MVB12B: variants seen among roughly 807,000 people sequenced by gnomAD.
MVB12B encodes ESCRT-I complex subunit MVB12B.
MVB12B carries 16 observed loss-of-function variants against 41.6 expected under a neutral mutation model. The observed-to-expected ratio is 0.38, with a 90% CI of 0.26 to 0.58. The LOEUF (loss-of-function observed/expected upper bound fraction) is 0.58, where lower values mean the gene tolerates loss of function less well. Ranked by LOEUF, MVB12B falls within the 20% of genes least tolerant of loss-of-function variation. The pLI, the probability that MVB12B is intolerant of heterozygous loss-of-function variation, is 0.62. For synonymous variants in MVB12B, 133 were observed against 139.7 expected, an observed-to-expected ratio of 0.95 and a Z score of 0.34; for missense variants, 274 against 380.2, an observed-to-expected ratio of 0.72 and a Z score of 2.32.
chr9:126,349,670 A>G (rs773705834), intron 2 of MVB12B, among the ~76,000 whole-genome samples: 3 of 152,202 alleles, frequency 2.0e-5, no homozygotes, highest in Admixed American at 6.5e-5. Flanking sequence ...CAGAGAGTCT[A>G]TTGTGTGGGT....
chr9:126,340,593 T>C lies in MVB12B; in HGVS notation c.167T>C (p.Val56Ala). The part of the protein sequence containing the change: ...SMDPITGVGV[V>A]ASRNRAPTGY... ...GATCCCATCACGGGAGTCGGGGTGG[T>C]GGCTTCTCGGAACCGAGCCCCGACA... The change falls in exon 2 of 10, where the codon GTG (valine) becomes GCG (alanine). Residue 56 changes from valine to alanine, a missense_variant. By Grantham distance (64) the Val-to-Ala change is moderately conservative (BLOSUM62 0). Coordinates refer to ENST00000361171, the MANE Select transcript of MVB12B (RefSeq NM_033446.3). This position sits in a 1 kb window ranked among gnomAD's most constrained non-coding sequence, Gnocchi z 4.0. 6.2e-7 allele frequency: 1 copy of C among 1,614,200 alleles called. No homozygotes were observed. Among genetic ancestry groups the C allele is most frequent in the Non-Finnish European group, 8.5e-7 (1 of 1,180,024 alleles).
At chr9:126,440,730 AAG>A (rs1662331707) in intron 7 of MVB12B, among the ~76,000 whole-genome samples, 1 of 152,242 alleles carries the variant, frequency 6.6e-6, no homozygotes, top group African/African-American at 2.4e-5. Context: ...GAGGAAAAAA[AAG>A]AACCAGTGAG....
chr9:126,356,884 C>G (rs574369474), intron 2 of MVB12B, among the ~76,000 whole-genome samples: 71 of 152,064 alleles, frequency 4.7e-4, no homozygotes, highest in Middle Eastern at 3.4e-3. Context: ...TAAAAGCTCC[C>G]TAAGGCCCCC....
intron 2 of MVB12B, among the ~76,000 whole-genome samples, chr9:126,349,589 G>A (rs562630119): frequency 6.6e-6 from 1 of 151,860 alleles, no homozygotes; most frequent in Non-Finnish European, 1.5e-5. Context: ...TTATATAAAC[G>A]GAATTATAGT....
rs544016216 is a variant in MVB12B at position 126,490,248 on chromosome 9, T to G, written c.873+6216T>G. Among the ~76,000 whole-genome samples the G allele has an allele frequency of 1.1e-4, 17 of 152,290 alleles. No homozygotes were observed. The South Asian group carries it at 3.5e-3, about 32-fold the overall frequency. ...CAGGCGGGAGCTTCTAAAATAATCC[T>G]CATGTCTTGATTACCTGTGTATCCT... is the stretch of plus-strand genomic sequence containing the variant. On this transcript the variant is annotated intron_variant, in intron 9 of 9. Transcript: ENST00000361171.
At position 126,473,883 on chromosome 9, in the gene MVB12B, G is replaced by A. The variant is rs561130443; in HGVS notation, c.758-7486G>A. On this transcript the variant is annotated intron_variant, in intron 7 of 9. Transcript: ENST00000361171. The surrounding 1 kb of genome is among the most constrained non-coding windows in gnomAD (Gnocchi z 4.0). ...ATTTGATGCCTGTTCACCACCTTGT[G>A]TATGGGCAGTAAGCACGGATTCCCT... Among the ~76,000 whole-genome samples the A allele has an allele frequency of 6.6e-6, 1 of 152,372 alleles. No homozygotes were observed. The highest frequency in any genetic ancestry group is 2.4e-5 in the African/African-American group (1 of 41,580).
At chr9:126,365,381 G>A (rs1192070724) in intron 2 of MVB12B, among the ~76,000 whole-genome samples, 6 of 144,532 alleles carry the variant, frequency 4.2e-5, no homozygotes, top group African/African-American at 1.6e-4. Flanking sequence ...TGCCCAGGCT[G>A]GAGTGCAATG....
intron 2 of MVB12B, among the ~76,000 whole-genome samples, chr9:126,378,687 C>T (rs145387132): frequency 6.6e-4 from 101 of 152,088 alleles, no homozygotes; most frequent in African/African-American, 2.4e-3. Context: ...CTGGGCCCTT[C>T]ATGATGCCTT....
At position 126,468,494 on chromosome 9, in the gene MVB12B, C is replaced by T. The variant is rs1833244328; in HGVS notation, c.758-12875C>T. 6.6e-6 allele frequency among the ~76,000 whole-genome samples: 1 copy of T among 152,212 alleles called. No individual in the cohort carries two copies. The highest frequency in any genetic ancestry group is 2.4e-5 in the African/African-American group (1 of 41,436). ...CATTTCATTCTCCCAGCTCTTTAGGCCAGGATCCTGGGGTCACCCTTGATT... is the reference window on the plus strand; with the variant it reads ...CATTTCATTCTCCCAGCTCTTTAGGTCAGGATCCTGGGGTCACCCTTGATT... On this transcript the variant is annotated intron_variant, in intron 7 of 9. Transcript: ENST00000361171. This position sits in a 1 kb window ranked among gnomAD's most constrained non-coding sequence, Gnocchi z 4.3.
chr9:126,335,272 C>T, intron 1 of MVB12B: 1 of 1,272,458 alleles, frequency 7.9e-7, no homozygotes, highest in African/African-American at 1.5e-5. Flanking sequence ...CAGAAGGTGT[C>T]AGGATGCTAT....
chr9:126,402,464 C>A (rs559260832), intron 6 of MVB12B, among the ~76,000 whole-genome samples: 1 of 151,920 alleles, frequency 6.6e-6, no homozygotes, highest in East Asian at 1.9e-4. Context: ...ATGGCAAAAC[C>A]CCGTCTCTAC....
intron 2 of MVB12B, among the ~76,000 whole-genome samples, chr9:126,353,518 A>G (rs957535497): frequency 6.6e-6 from 1 of 152,228 alleles, no homozygotes; most frequent in African/African-American, 2.4e-5. Context: ...TAATAGCAGG[A>G]CTTTCCTCAT....
chr9:126,454,853 C>T (rs553509291), intron 7 of MVB12B, among the ~76,000 whole-genome samples: 1 of 152,126 alleles, frequency 6.6e-6, no homozygotes, highest in Admixed American at 6.5e-5. Flanking sequence ...TGCTTTGACA[C>T]ATGGTAACAA....
intron 1 of MVB12B, among the ~76,000 whole-genome samples, chr9:126,332,605 A>G (rs1395747663): frequency 1.3e-5 from 2 of 152,104 alleles, no homozygotes; most frequent in East Asian, 3.9e-4. Flanking sequence ...TGTGTCCTGT[A>G]TGGAGGAATC....
At position 126,346,231 on chromosome 9, in the gene MVB12B, G is replaced by A. The variant is rs142878755; in HGVS notation, c.204+5601G>A. On this transcript the variant is annotated intron_variant, in intron 2 of 9. Coordinates refer to ENST00000361171, the MANE Select transcript of MVB12B (RefSeq NM_033446.3). ...GGGCGTGTGTGGAGGCTGTGAATTC[G>A]TGCAGAGTGAGAGCTAGAGCCTGCG... is the stretch of plus-strand genomic sequence containing the variant. 9.2e-5 allele frequency among the ~76,000 whole-genome samples: 14 copies of A among 152,308 alleles called. No individual in the cohort carries two copies. In the East Asian group the frequency reaches 2.3e-3, roughly 25 times the overall value.
intron 1 of MVB12B, among the ~76,000 whole-genome samples, chr9:126,327,451 A>G (rs1829014476): frequency 6.6e-6 from 1 of 152,204 alleles, no homozygotes; most frequent in South Asian, 2.1e-4. Flanking sequence ...CCCCAGGAGC[A>G]TCACTGCCTC....
chr9:126,463,441 A>G (rs1432659341), intron 7 of MVB12B, among the ~76,000 whole-genome samples: 1 of 152,204 alleles, frequency 6.6e-6, no homozygotes, highest in Middle Eastern at 3.2e-3. Context: ...TTCTCCATAA[A>G]TTAAGTTTTA....
In MVB12B at chr9:126,345,122, CAG is replaced by C. The variant is rs147555552; in HGVS notation, c.204+4495_204+4496del. On this transcript the variant is annotated intron_variant, in intron 2 of 9. Coordinates refer to ENST00000361171, the MANE Select transcript of MVB12B (RefSeq NM_033446.3). ...ATAATGGGAGTGAGATATTAAAACTCAGAGGATCTTGACAGCTGTGGTGGGGG... is the reference window on the plus strand; with the variant it reads ...ATAATGGGAGTGAGATATTAAAACTCAGGATCTTGACAGCTGTGGTGGGGG... 7.6e-3 allele frequency among the ~76,000 whole-genome samples: 1,160 copies of C among 152,280 alleles called. 20 individuals are homozygous for C. The highest frequency in any genetic ancestry group is 0.027 in the African/African-American group (1,116 of 41,544).
At position 126,340,384 on chromosome 9, in the gene MVB12B, A is replaced by G. The variant is rs1476834075; in HGVS notation, c.82-124A>G. 2 of 1,059,578 alleles carry G rather than the reference A, an allele frequency of 1.9e-6. No homozygotes were observed. The highest frequency in any genetic ancestry group is 2.8e-6 in the Non-Finnish European group (2 of 721,030). The allele number at this position is 1,059,578 out of a possible 1,614,324, so 65.6% of individuals were successfully genotyped here. On this transcript the variant is annotated intron_variant, in intron 1 of 9. Coordinates refer to ENST00000361171, the MANE Select transcript of MVB12B (RefSeq NM_033446.3). The surrounding 1 kb of genome is among the most constrained non-coding windows in gnomAD (Gnocchi z 4.0). ...GTCACATAGGGTCAGGACTCATTCA[A>G]CCAGTACAGGTATGTGAAACTCAGG... is the stretch of plus-strand genomic sequence containing the variant.
Sources: gnomAD v4.1 joint callset for allele counts (sites outside exome capture counted in the v4.1 genomes callset) on GRCh38, gnomAD v4.1.1 for gene constraint, Gnocchi (gnomAD v3.1) non-coding constraint, MANE v1.5 for transcripts, NCBI Gene and HGNC (gene_info 2026-07-23, HGNC 2026-07-21) for gene names.